PPIF: variants seen among roughly 807,000 people sequenced by gnomAD.
PPIF encodes peptidylprolyl isomerase F, also known as peptidyl-prolyl cis-trans isomerase F, mitochondrial.
In PPIF, 23 loss-of-function variants were observed where a neutral mutation model predicts 20.2. The ratio of observed to expected loss-of-function variants is 1.14; its 90% CI spans 0.82 to 1.61. The LOEUF (loss-of-function observed/expected upper bound fraction) is 1.61. Ranked by LOEUF, PPIF falls within the 40% of genes most tolerant of loss-of-function variation. PPIF has a pLI of 0.00. For synonymous variants in PPIF, 113 were observed against 123.1 expected, an observed-to-expected ratio of 0.92 and a Z score of 0.54; for missense variants, 287 against 291.6, an observed-to-expected ratio of 0.98 and a Z score of 0.11.
intron 1 of PPIF, among the ~76,000 whole-genome samples, chr10:79,348,049 C>A (rs1484538692): frequency 2.6e-5 from 4 of 152,244 alleles, no homozygotes; most frequent in African/African-American, 7.2e-5. Flanking sequence ...GCTCCAGGAG[C>A]CTTCTGGGGC....
At chr10:79,352,550 A>C (rs1855997508) in intron 5 of PPIF, among the ~76,000 whole-genome samples, 158 bp downstream of exon 5, 1 of 152,226 alleles carries the variant, frequency 6.6e-6, no homozygotes, top group African/African-American at 2.4e-5. Flanking sequence ...AGAGAAAGTT[A>C]GTGGAAGGAT....
Position 79,351,564 on chromosome 10 carries a change from A to G in PPIF, c.393A>G (p.Thr131=), listed in dbSNP as rs1855983247. ...GCCGCTTTCCTGACGAGAACTTTAC[A>G]CTGAAGCACGTGGGGCCAGGTGAGT... ...YGSRFPDENF[T]LKHVGPGVLS... is the part of the protein sequence containing the mutation. Residue 131 remains threonine (T), a synonymous_variant, in exon 4 of 6, where the codon ACA becomes ACG. Transcript: ENST00000225174. 6.2e-7 allele frequency: 1 copy of G among 1,614,024 alleles called. No individual in the cohort carries two copies. The highest frequency in any genetic ancestry group is 8.5e-7 in the Non-Finnish European group (1 of 1,179,928).
intron 3 of PPIF, among the ~76,000 whole-genome samples, chr10:79,350,600 G>A (rs1312751425): frequency 6.6e-6 from 1 of 152,214 alleles, no homozygotes; most frequent in Non-Finnish European, 1.5e-5. Context: ...GGGACGGCAG[G>A]CCTGGCCCAG....
intron 5 of PPIF, 115 bp from the exon 6 acceptor site, chr10:79,353,590 TTC>T: frequency 1.9e-6 from 3 of 1,564,566 alleles, no homozygotes; most frequent in East Asian, 2.3e-5. Flanking sequence ...GATCTAGCTA[TTC>T]CATGGGGATT....
Position 79,347,595 on chromosome 10 carries a change from T to C in PPIF, c.47T>C (p.Val16Ala). 1 of 1,421,836 alleles carries C rather than the reference T, an allele frequency of 7.0e-7. No individual in the cohort carries two copies. Among genetic ancestry groups the C allele is most frequent in the Non-Finnish European group, 9.2e-7 (1 of 1,084,770 alleles). The allele number at this position is 1,421,836 out of a possible 1,614,324, so 88.1% of individuals were successfully genotyped here. A position where few individuals can be genotyped will look rare whatever the true frequency, so the allele number is the denominator to read the frequency against. Residue 16 changes from valine (V) to alanine (A), a missense_variant, in exon 1 of 6, where the codon GTC becomes GCC. Transcript: ENST00000225174. ...CGSRWLGLLS[V>A]PRSVPLRLPA... ...TCCCGCTGGCTCGGCCTGCTCTCCG[T>C]CCCGCGCTCCGTGCCGCTGCGCCTC...
Position 79,347,706 on chromosome 10 carries a change from A to G in PPIF, c.158A>G (p.Asp53Gly). The change falls in exon 1 of 6, where the codon GAC becomes GGC. Residue 53 changes from aspartate to glycine, a missense_variant. Transcript: ENST00000225174. ...AACCCGCTCGTGTACCTGGACGTGG[A>G]CGCCAACGGGAAGCCGCTCGGCCGC... ...SGNPLVYLDVDANGKPLGRVV... is the reference protein window; with the variant it reads ...SGNPLVYLDVGANGKPLGRVV... 2 of 1,462,728 alleles carry G rather than the reference A, an allele frequency of 1.4e-6. No homozygotes were observed. The allele number at this position is 1,462,728 out of a possible 1,614,324, so 90.6% of individuals were successfully genotyped here.
At position 79,352,813 on chromosome 10, in the gene PPIF, C is replaced by T. The variant is rs141770790; in HGVS notation, c.488+421C>T. 3.3e-5 allele frequency among the ~76,000 whole-genome samples: 5 copies of T among 152,356 alleles called. No homozygotes were observed. The East Asian group carries it at 9.6e-4, about 29-fold the overall frequency. On this transcript the variant is annotated intron_variant, in intron 5 of 5. Coordinates refer to ENST00000225174, the MANE Select transcript of PPIF (RefSeq NM_005729.4). ...CATGGGCTGAGCCTTGGCAATGCTGCAGCAGACATTTGGATATCAGCAAAT... is the reference window on the plus strand; with the variant it reads ...CATGGGCTGAGCCTTGGCAATGCTGTAGCAGACATTTGGATATCAGCAAAT...
In PPIF at chr10:79,347,579, C is replaced by T; in HGVS notation, c.31C>T (p.Leu11Phe). Residue 11 changes from leucine to phenylalanine, a missense_variant, in exon 1 of 6, where the codon CTC becomes TTC. Transcript: ENST00000225174. ...GGCGCTGCGCTGCGGCTCCCGCTGG[C>T]TCGGCCTGCTCTCCGTCCCGCGCTC... is the stretch of plus-strand genomic sequence containing the variant. MLALRCGSRW[L>F]GLLSVPRSVP... 1 of 1,388,506 alleles carries T rather than the reference C, an allele frequency of 7.2e-7. No individual in the cohort carries two copies. Among genetic ancestry groups the T allele is most frequent in the South Asian group, 1.6e-5 (1 of 62,278 alleles). The allele number at this position is 1,388,506 out of a possible 1,614,324, so 86.0% of individuals were successfully genotyped here. A position where few individuals can be genotyped will look rare whatever the true frequency, so the allele number is the denominator to read the frequency against.
Position 79,351,437 on chromosome 10 carries a change from G to T in PPIF, c.316-50G>T, listed in dbSNP as rs1855980887. 4.4e-6 allele frequency: 7 copies of T among 1,588,438 alleles called. No individual in the cohort carries two copies. In the South Asian group the frequency reaches 7.8e-5, roughly 18 times the overall value. ...GGCTGCTGCCAGCGCCAGGGCCGTG[G>T]CCCCCGCCTGCTCCATGGTAGCCAC... On this transcript the variant is annotated intron_variant, in intron 3 of 5. Coordinates refer to ENST00000225174, the MANE Select transcript of PPIF (RefSeq NM_005729.4).
chr10:79,351,492 C>T lies in PPIF; in HGVS notation c.321C>T (p.Gly107=), dbSNP rs751675587. 1.1e-5 allele frequency: 18 copies of T among 1,612,950 alleles called. No individual in the cohort carries two copies. Among genetic ancestry groups the T allele is most frequent in the African/African-American group, 9.3e-5 (7 of 74,914 alleles). ...RVIPSFMCQA[G]DFTNHNGTGG... ...AAGGTGCTTTGTGCTCACAGGCGGG[C>T]GACTTCACCAACCACAATGGCACAG... The change falls in exon 4 of 6, where the codon GGC becomes GGT. Residue 107 remains glycine, a synonymous_variant. Coordinates refer to ENST00000225174, the MANE Select transcript of PPIF (RefSeq NM_005729.4).
chr10:79,350,228 C>T (rs1020483765), intron 3 of PPIF, among the ~76,000 whole-genome samples: 22 of 152,218 alleles, frequency 1.4e-4, no homozygotes, highest in African/African-American at 5.1e-4. Flanking sequence ...GCATTATTCT[C>T]GGTGAAATGA....
chr10:79,352,234 G>T (rs1855991385), intron 4 of PPIF, 83 bp from the exon 5 acceptor site: 2 of 1,268,080 alleles, frequency 1.6e-6, no homozygotes, highest in East Asian at 4.6e-5. Context: ...CCCTGGTGTG[G>T]TTTGCACCGT....
rs569827111 is a variant in PPIF at position 79,348,727 on chromosome 10, C to G, written c.196-349C>G. Among the ~76,000 whole-genome samples the G allele has an allele frequency of 5.6e-4, 86 of 152,264 alleles. 1 individual carries two copies. The highest frequency in any genetic ancestry group is 3.4e-3 in the Middle Eastern group (1 of 294). On this transcript the variant is annotated intron_variant, in intron 1 of 5. Coordinates refer to ENST00000225174, the MANE Select transcript of PPIF (RefSeq NM_005729.4). ...CCCAACCCCGAATGGAGGAGCTGGT[C>G]TGGCTTCTACCTTAGACACACTCTC...
chr10:79,348,720 A>G (rs1324074776), intron 1 of PPIF, among the ~76,000 whole-genome samples: 3 of 152,024 alleles, frequency 2.0e-5, no homozygotes, highest in Non-Finnish European at 4.4e-5. Context: ...CGAATGGAGG[A>G]GCTGGTCTGG....
Position 79,354,577 on chromosome 10 carries a change from G to A in PPIF, c.*735G>A, listed in dbSNP as rs1446029679. The A allele has an allele frequency of 6.5e-6, 1 of 152,776 alleles. No individual in the cohort carries two copies. The highest frequency in any genetic ancestry group is 1.5e-5 in the Non-Finnish European group (1 of 68,078). 9.5% of individuals were successfully genotyped at this position (152,776 alleles called of 1,614,324 possible). A position where few individuals can be genotyped will look rare whatever the true frequency, so the allele number is the denominator to read the frequency against. ...GCCTGTAAGCTCCTGTGCTCCGGAG[G>A]GAAGCATTTCCTGGTAGGCTTTGAT... On this transcript the variant is annotated 3_prime_UTR_variant, in exon 6 of 6. Transcript: ENST00000225174.
intron 3 of PPIF, chr10:79,350,025 G>A: frequency 1.8e-6 from 1 of 570,518 alleles, no homozygotes; most frequent in African/African-American, 1.9e-5. Flanking sequence ...AGATGGATGT[G>A]CTGGGGGTGG....
Position 79,353,871 on chromosome 10 carries a change from A to G in PPIF, c.*29A>G. 2 of 1,610,552 alleles carry G rather than the reference A, an allele frequency of 1.2e-6. No homozygotes were observed. The highest frequency in any genetic ancestry group is 1.7e-5 in the Admixed American group (1 of 59,860). ...GTGGCCAGGGTGCTGGCATGGTGGCAGCTGCAAATGTCCATGCACCCAGGT... is the reference window on the plus strand; with the variant it reads ...GTGGCCAGGGTGCTGGCATGGTGGCGGCTGCAAATGTCCATGCACCCAGGT... On this transcript the variant is annotated 3_prime_UTR_variant, in exon 6 of 6. Transcript: ENST00000225174.
At chr10:79,347,868 T>A in intron 1 of PPIF, 125 bp downstream of exon 1, 1 of 1,213,764 alleles carries the variant, frequency 8.2e-7, no homozygotes, top group African/African-American at 1.6e-5. Flanking sequence ...GCTCTGGGCC[T>A]CAGTTTCCCC....
At position 79,347,508 on chromosome 10, in the gene PPIF, T is replaced by A. The variant is rs938549747; in HGVS notation, c.-41T>A. On this transcript the variant is annotated 5_prime_UTR_variant, in exon 1 of 6. Transcript: ENST00000225174. The stretch of plus-strand genomic sequence containing the variant: ...GCGCGCGCGACGTCAGTTTGAGTTC[T>A]GTGTTCTCCCCGCCCGTGTCCCGCC... 5.3e-5 allele frequency: 68 copies of A among 1,275,240 alleles called. No homozygotes were observed. The highest frequency in any genetic ancestry group is 6.5e-5 in the Non-Finnish European group (66 of 1,014,268). The allele number at this position is 1,275,240 out of a possible 1,614,324, so 79.0% of individuals were successfully genotyped here.
Sources: gnomAD v4.1 joint callset for allele counts (sites outside exome capture counted in the v4.1 genomes callset) on GRCh38, gnomAD v4.1.1 for gene constraint, MANE v1.5 for transcripts, NCBI Gene and HGNC (gene_info 2026-07-23, HGNC 2026-07-21) for gene names.